MYOF: variants seen among roughly 807,000 people sequenced by gnomAD.
The protein encoded by MYOF is fer-1-like 3, myoferlin.
MYOF carries 244 observed loss-of-function variants against 284.2 expected under a neutral mutation model. That is an observed-to-expected ratio of 0.86 (90% confidence interval 0.77 to 0.95). The LOEUF is 0.95. MYOF is among the 40% of genes least tolerant of loss of function. The probability of loss-of-function intolerance (pLI) is 0.00; values close to 1 mark genes in which losing one functional copy is unlikely to be tolerated. For synonymous variants in MYOF, 904 were observed against 919.7 expected, an observed-to-expected ratio of 0.98 and a Z score of 0.31; for missense variants, 2,496 against 2,560.6, an observed-to-expected ratio of 0.97 and a Z score of 0.54.
intron 29 of MYOF, among the ~76,000 whole-genome samples, chr10:93,358,801 G>A (rs894574600): frequency 6.6e-6 from 1 of 152,202 alleles, no homozygotes; most frequent in Non-Finnish European, 1.5e-5. Flanking sequence ...GCCGGCGGGT[G>A]GAGGGAGCGC....
intron 15 of MYOF, 111 bp from the exon 16 acceptor site, chr10:93,396,335 C>A: frequency 1.4e-6 from 1 of 729,366 alleles, no homozygotes; most frequent in Non-Finnish European, 2.1e-6. Flanking sequence ...GGAAAATACC[C>A]CAGACTTCAG....
At chr10:93,309,973 G>A (rs374836801) in intron 53 of MYOF, 47 bp downstream of exon 53, 4 of 1,611,062 alleles carry the variant, frequency 2.5e-6, no homozygotes, top group Non-Finnish European at 3.4e-6. Context: ...AGGACCAACT[G>A]CAACTCACAA....
chr10:93,351,524 T>C lies in MYOF; in HGVS notation c.3711A>G (p.Lys1237=), dbSNP rs1844511439. The C allele has an allele frequency of 4.3e-6, 7 of 1,614,086 alleles. No homozygotes were observed. The highest frequency in any genetic ancestry group is 5.9e-6 in the Non-Finnish European group (7 of 1,180,048). The change falls in exon 34 of 54, where the codon AAA becomes AAG. Residue 1237 remains lysine (K), a synonymous_variant. Coordinates refer to ENST00000359263, the MANE Select transcript of MYOF (RefSeq NM_013451.4). ...LGRSIFSPVV[K]LNSEMDITPK... Reference sequence around the variant, plus strand: ...GTGTGATGTCCATTTCTGAGTTCAGTTTCACCACAGGAGAGAAAATGCTTC... The same window carrying C: ...GTGTGATGTCCATTTCTGAGTTCAGCTTCACCACAGGAGAGAAAATGCTTC...
chr10:93,333,866 G>C lies in MYOF; in HGVS notation c.4611C>G (p.Ala1537=), dbSNP rs766571822. The C allele has an allele frequency of 1.5e-5, 25 of 1,613,946 alleles. No homozygotes were observed. The highest frequency in any genetic ancestry group is 2.0e-5 in the Non-Finnish European group (24 of 1,180,044). ...GTAATTCCCGAAACTGTCTGGGAGG[G>C]GCTGGCACGCTGGGGTCATCCGGCA... The part of the protein sequence containing the change: ...YPLPDDPSVP[A]PPRQFRELPD... Residue 1537 remains alanine (A), a synonymous_variant, in exon 42 of 54, where the codon GCC becomes GCG. Transcript: ENST00000359263.
At chr10:93,409,523 T>C in intron 6 of MYOF, 50 bp downstream of exon 6, 1 of 1,583,200 alleles carries the variant, frequency 6.3e-7, no homozygotes, top group Non-Finnish European at 8.6e-7. Flanking sequence ...TGCCAGAAGA[T>C]GGGCAATATA....
chr10:93,369,652 G>T lies in MYOF; in HGVS notation c.2582C>A (p.Ala861Asp). 1 of 1,614,150 alleles carries T rather than the reference G, an allele frequency of 6.2e-7. No individual in the cohort carries two copies. The highest frequency in any genetic ancestry group is 8.5e-7 in the Non-Finnish European group (1 of 1,180,008). The change falls in exon 25 of 54, where the codon GCT (alanine) becomes GAT (aspartate). Residue 861 changes from alanine to aspartate, a missense_variant. Ala to Asp is a moderately radical substitution (Grantham distance 126). Coordinates refer to ENST00000359263, the MANE Select transcript of MYOF (RefSeq NM_013451.4). ...SFAEGTFTVF[A>D]EMYENQALMF... ...TGAAATCATTAAAGGTACCATTTCA[G>T]CAAAGACGGTGAAAGTTCCTTCTGC... is the stretch of plus-strand genomic sequence containing the variant.
At chr10:93,417,579 G>T (rs145560913) in intron 5 of MYOF, among the ~76,000 whole-genome samples, 2 of 151,864 alleles carry the variant, frequency 1.3e-5, no homozygotes, top group Non-Finnish European at 2.9e-5. Context: ...CTCCCATACT[G>T]TTCTCTAGCA....
At chr10:93,446,123 C>A (rs1174965871) in intron 3 of MYOF, among the ~76,000 whole-genome samples, 1 of 152,062 alleles carries the variant, frequency 6.6e-6, no homozygotes, top group Non-Finnish European at 1.5e-5. Context: ...GATGGGGAGG[C>A]ACACTGCTTA....
intron 16 of MYOF, among the ~76,000 whole-genome samples, chr10:93,395,034 C>A (rs1452587830): frequency 6.6e-6 from 1 of 151,912 alleles, no homozygotes; most frequent in Non-Finnish European, 1.5e-5. Context: ...TGAGAGGAAC[C>A]TTGAGTTGCC....
chr10:93,399,257 T>A, intron 13 of MYOF, 135 bp downstream of exon 13: 1 of 639,516 alleles, frequency 1.6e-6, no homozygotes, highest in Non-Finnish European at 2.7e-6. Context: ...ACTCAGATAA[T>A]CTGTGTTCCC....
chr10:93,387,501 G>A (rs701855), intron 19 of MYOF, among the ~76,000 whole-genome samples: 45,564 of 152,100 alleles, frequency 0.3, 8,163 homozygotes, highest in Middle Eastern at 0.42. Context: ...AATGAGTAGA[G>A]GTGGCACCTA....
chr10:93,427,107 C>T lies in MYOF; in HGVS notation c.346-949G>A, dbSNP rs550573569. Among the ~76,000 whole-genome samples, 48 of 150,744 alleles carry T rather than the reference C, an allele frequency of 3.2e-4. No individual in the cohort carries two copies. The East Asian group carries it at 6.4e-3, about 20-fold the overall frequency. On this transcript the variant is annotated intron_variant, in intron 4 of 53. Transcript: ENST00000359263. ...TTCATCTTGTTGGCCAGGCTGGTTT[C>T]GATCTCCTGACCACGTGATCTGCCC... is the stretch of plus-strand genomic sequence containing the variant.
intron 30 of MYOF, 56 bp from the exon 31 acceptor site, chr10:93,355,792 G>T: frequency 7.6e-7 from 1 of 1,315,582 alleles, no homozygotes; most frequent in Non-Finnish European, 1.1e-6. Context: ...CTGCCTAAAA[G>T]CAAATCAACC....
At chr10:93,356,208 C>T (rs954557028) in intron 30 of MYOF, among the ~76,000 whole-genome samples, 5 of 152,140 alleles carry the variant, frequency 3.3e-5, no homozygotes, top group South Asian at 2.1e-4. Flanking sequence ...CCTGCTTTTT[C>T]CCCCGACTTC....
chr10:93,481,922 A>G (rs1202866854), intron 1 of MYOF, among the ~76,000 whole-genome samples, 185 bp downstream of exon 1: 1 of 152,166 alleles, frequency 6.6e-6, no homozygotes, highest in East Asian at 1.9e-4. Flanking sequence ...ATGAGTCTCA[A>G]GCCCTGGAGA....
intron 53 of MYOF, among the ~76,000 whole-genome samples, chr10:93,307,381 C>T (rs536770685): frequency 6.6e-5 from 10 of 151,030 alleles, no homozygotes; most frequent in South Asian, 4.2e-4. Context: ...CTGCAACCTC[C>T]GCCTCCCAGG....
At chr10:93,448,994 C>CA (rs1406914845) in intron 3 of MYOF, among the ~76,000 whole-genome samples, 117 of 149,570 alleles carry the variant, frequency 7.8e-4, no homozygotes, top group Middle Eastern at 3.4e-3. Context: ...GACTCTGTCT[C>CA]AAAAAAAAAG....
At chr10:93,450,865 C>T (rs559368658) in intron 3 of MYOF, among the ~76,000 whole-genome samples, 237 of 152,254 alleles carry the variant, frequency 1.6e-3, no homozygotes, top group African/African-American at 5.3e-3. Flanking sequence ...GGCCCCTAAC[C>T]ATTTATTAAT....
At chr10:93,445,324 G>A (rs1478515689) in intron 3 of MYOF, among the ~76,000 whole-genome samples, 1 of 152,196 alleles carries the variant, frequency 6.6e-6, no homozygotes, top group Non-Finnish European at 1.5e-5. Flanking sequence ...TGAGGTGTGT[G>A]TGAGGATCAA....
Sources: allele counts gnomAD v4.1 joint callset (sites outside exome capture counted in the v4.1 genomes callset), GRCh38; gene constraint gnomAD v4.1.1; transcripts MANE v1.5; gene names NCBI Gene and HGNC (gene_info 2026-07-23, HGNC 2026-07-21).